Variants in CDH3 observed in about 807,000 individuals in gnomAD.
The protein encoded by CDH3 is cadherin-3.
In CDH3, 54 loss-of-function variants were observed where a neutral mutation model predicts 82.0. The ratio of observed to expected loss-of-function variants is 0.66; its 90% CI spans 0.53 to 0.83. CDH3 has a LOEUF of 0.83. Among genes scored for constraint, CDH3 ranks in the 40% least tolerant of loss-of-function variants. The pLI, the probability that CDH3 is intolerant of heterozygous loss-of-function variation, is 0.00. For synonymous variants in CDH3, 446 were observed against 437.9 expected (o/e 1.02, Z -0.23); for missense variants, 1,054 against 1,084.6 (o/e 0.97, Z 0.40).
At chr16:68,724,094 G>A (rs1434036189) in intron 2 of CDH3, among the ~76,000 whole-genome samples, 4 of 146,240 alleles carry the variant, frequency 2.7e-5, no homozygotes, top group South Asian at 4.4e-4. Context: ...AAATTAGCCG[G>A]GTGTGGTGGC....
At chr16:68,682,975 C>T (rs1036053089) in intron 9 of CDH3, among the ~76,000 whole-genome samples, 1 of 152,010 alleles carries the variant, frequency 6.6e-6, no homozygotes, top group Non-Finnish European at 1.5e-5. Flanking sequence ...TAAGGCTGGG[C>T]GCAGTGGCTC....
downstream of CDH3, among the ~76,000 whole-genome samples, chr16:68,731,421 C>T (rs56065730): frequency 0.034 from 548 of 15,952 alleles, 101 homozygotes; most frequent in African/African-American, 0.048. Context: ...TATACATATA[C>T]ACATATATAC....
intron 2 of CDH3, among the ~76,000 whole-genome samples, chr16:68,650,592 C>A (rs138718014): frequency 2.4e-3 from 370 of 152,328 alleles, no homozygotes; most frequent in Middle Eastern, 6.8e-3. Context: ...TGAGCCACCA[C>A]GCCCGGCCAT....
chr16:68,667,769 G>A (rs1055357064), intron 2 of CDH3, among the ~76,000 whole-genome samples: 3 of 152,166 alleles, frequency 2.0e-5, no homozygotes, highest in African/African-American at 4.8e-5. Flanking sequence ...TTCAGGACCC[G>A]AGGCCAGGCT....
In CDH3 at chr16:68,682,234, G is replaced by C. The variant is rs1311785155; in HGVS notation, c.997-68G>C. ...GGGGATCCCCTGAGGTTGGATGGAGGCTTCTCAGCCTCTGGAGTAGGACAG... is the reference window on the plus strand; with the variant it reads ...GGGGATCCCCTGAGGTTGGATGGAGCCTTCTCAGCCTCTGGAGTAGGACAG... On this transcript the variant is annotated intron_variant, in intron 8 of 15. Coordinates refer to ENST00000264012, the MANE Select transcript of CDH3 (RefSeq NM_001793.6). 7.8e-6 allele frequency: 12 copies of C among 1,535,292 alleles called. No individual in the cohort carries two copies. In the East Asian group the frequency reaches 2.8e-4, roughly 36 times the overall value.
At chr16:68,702,280 GT>G (rs2152108907), downstream of CDH3, among the ~76,000 whole-genome samples, 1 of 152,148 alleles carries the variant, frequency 6.6e-6, no homozygotes, top group Non-Finnish European at 1.5e-5. Context: ...GTTATTTAAT[GT>G]CACCACAATC....
At chr16:68,728,455 C>A (rs541609394), downstream of CDH3, among the ~76,000 whole-genome samples, 1 of 152,094 alleles carries the variant, frequency 6.6e-6, no homozygotes, top group Non-Finnish European at 1.5e-5. Flanking sequence ...CGTGAGCCAC[C>A]GCGCCTGGCC....
chr16:68,689,670 C>T (rs2152104666), intron 12 of CDH3, among the ~76,000 whole-genome samples: 1 of 152,266 alleles, frequency 6.6e-6, no homozygotes, highest in Non-Finnish European at 1.5e-5. Context: ...ATGTTGGCCA[C>T]TCCACATGGT....
chr16:68,662,339 T>A (rs948579288), intron 2 of CDH3, among the ~76,000 whole-genome samples: 2 of 152,114 alleles, frequency 1.3e-5, no homozygotes, highest in African/African-American at 2.4e-5. Context: ...GCACCTTTAG[T>A]CCCACCACTT....
At chr16:68,716,620 CAAAAA>C (rs563385107) in intron 1 of CDH3, among the ~76,000 whole-genome samples, 3 of 103,168 alleles carry the variant, frequency 2.9e-5, no homozygotes, top group Admixed American at 1.2e-4. Flanking sequence ...GACTCCGGCT[CAAAAA>C]AAAAAAAAAA....
intron 1 of CDH3, among the ~76,000 whole-genome samples, chr16:68,721,760 C>T (rs181548994): frequency 2.4e-3 from 370 of 152,246 alleles, no homozygotes; most frequent in Middle Eastern, 6.8e-3. Flanking sequence ...TCTGAAACTC[C>T]GTCTCAAAAC....
intron 11 of CDH3, among the ~76,000 whole-genome samples, chr16:68,687,089 C>G (rs577081526): frequency 2.0e-5 from 3 of 152,296 alleles, no homozygotes; most frequent in South Asian, 4.1e-4. Context: ...TGGAAAGTGC[C>G]ATGACAGATT....
Position 68,678,633 on chromosome 16 carries a change from C to G in CDH3, c.523C>G (p.Arg175Gly). 1 of 1,614,182 alleles carries G rather than the reference C, an allele frequency of 6.2e-7. No individual in the cohort carries two copies. Among genetic ancestry groups the G allele is most frequent in the Non-Finnish European group, 8.5e-7 (1 of 1,180,044 alleles). ...GTTGTTGTTGAATAAGCCACTGGAC[C>G]GGGAGGAGATTGCCAAGTATGAGGC... ...GWLLLNKPLD[R>G]EEIAKYELFG... The change falls in exon 5 of 16, where the codon CGG becomes GGG. Residue 175 changes from arginine to glycine, a missense_variant. By Grantham distance (125) the Arg-to-Gly change is moderately radical (BLOSUM62 -2). Coordinates refer to ENST00000264012, the MANE Select transcript of CDH3 (RefSeq NM_001793.6).
At chr16:68,657,230 C>A (rs765938020) in intron 2 of CDH3, among the ~76,000 whole-genome samples, 1 of 152,114 alleles carries the variant, frequency 6.6e-6, no homozygotes. Context: ...GAAAGCCAAA[C>A]GGGCTCGGTG....
downstream of CDH3, among the ~76,000 whole-genome samples, chr16:68,703,576 A>G (rs1285966499): frequency 2.0e-5 from 3 of 152,216 alleles, no homozygotes; most frequent in African/African-American, 7.2e-5. Flanking sequence ...GCAGAGTACA[A>G]GTTCAAATCC....
chr16:68,645,497 T>A, intron 1 of CDH3, 73 bp downstream of exon 1: 1 of 1,545,014 alleles, frequency 6.5e-7, no homozygotes, highest in South Asian at 1.1e-5. Flanking sequence ...CATGGGGCAG[T>A]GGCGTCGGGG....
At chr16:68,691,599 T>G (rs1454634399) in intron 12 of CDH3, 121 bp from the exon 13 acceptor site, 2 of 783,702 alleles carry the variant, frequency 2.6e-6, no homozygotes, top group Middle Eastern at 3.1e-4. Flanking sequence ...CAAAGTGTGC[T>G]TGTGGAGTAT....
At chr16:68,673,507 G>A (rs1382287336) in intron 2 of CDH3, among the ~76,000 whole-genome samples, 1 of 149,248 alleles carries the variant, frequency 6.7e-6, no homozygotes, top group Non-Finnish European at 1.5e-5. Context: ...GGGTCTTGCT[G>A]GAGTACAGTG....
chr16:68,684,513 A>T (rs999270772), intron 9 of CDH3, 70 bp from the exon 10 acceptor site: 1 of 1,591,180 alleles, frequency 6.3e-7, no homozygotes, highest in Non-Finnish European at 8.6e-7. Context: ...TCCTTCTCAC[A>T]TCTCAACTGT....
Sources: allele counts gnomAD v4.1 joint callset (sites outside exome capture counted in the v4.1 genomes callset), GRCh38; gene constraint gnomAD v4.1.1; transcripts MANE v1.5; gene names NCBI Gene and HGNC (gene_info 2026-07-23, HGNC 2026-07-21).